ZBTB20: variants seen among roughly 807,000 people sequenced by gnomAD.
The protein encoded by ZBTB20 is zinc finger and BTB domain containing 20.
In ZBTB20, 9 loss-of-function variants were observed where a neutral mutation model predicts 56.9. The observed-to-expected ratio is 0.16, with a 90% confidence interval of 0.10 to 0.28. The LOEUF is 0.28. Among genes scored for constraint, ZBTB20 ranks in the 10% least tolerant of loss-of-function variants. The pLI, the probability that ZBTB20 is intolerant of heterozygous loss-of-function variation, is 1.00. For missense variants in ZBTB20, 655 were observed against 1,003.0 expected (o/e 0.65, Z 4.69); for synonymous variants, 417 against 420.7 (o/e 0.99, Z 0.11).
intron 5 of ZBTB20, among the ~76,000 whole-genome samples, chr3:114,735,796 A>T (rs1359218752): frequency 1.3e-5 from 2 of 152,034 alleles, no homozygotes; most frequent in Non-Finnish European, 2.9e-5. Context: ...ACTTCAGAAG[A>T]TTTTTTTCTT....
intron 5 of ZBTB20, among the ~76,000 whole-genome samples, chr3:114,698,988 C>T (rs754065475): frequency 3.9e-5 from 6 of 151,986 alleles, no homozygotes; most frequent in South Asian, 2.1e-4. Context: ...AAATATATTC[C>T]GATGTTTTAC....
In ZBTB20 at chr3:114,682,300, C is replaced by A. The variant is rs539372463; in HGVS notation, c.-295+11228G>T. Among the ~76,000 whole-genome samples, 42 of 152,226 alleles carry A rather than the reference C, an allele frequency of 2.8e-4. No homozygotes were observed. In the South Asian group the frequency reaches 7.5e-3, roughly 27 times the overall value. On this transcript the variant is annotated intron_variant, in intron 6 of 11. Coordinates refer to ENST00000675478, the MANE Select transcript of ZBTB20 (RefSeq NM_001348800.3). ...AGTTTGAAAACAAATTACTTCTAGA[C>A]GATTGTGGGGATTTTAATCGTCCTC...
intron 4 of ZBTB20, among the ~76,000 whole-genome samples, chr3:114,883,893 AT>A (rs2076491959): frequency 7.5e-6 from 1 of 132,852 alleles, no homozygotes; most frequent in South Asian, 2.7e-4. Context: ...TTCAAGGGGT[AT>A]AACTGGTAAG....
intron 7 of ZBTB20, chr3:114,453,764 C>T (rs1305946461): frequency 6.6e-6 from 1 of 151,960 alleles, no homozygotes; most frequent in East Asian, 1.9e-4. Flanking sequence ...TTTTCATGTA[C>T]ATATATGTAT....
At chr3:114,376,799 A>G (rs913791449) in intron 10 of ZBTB20, among the ~76,000 whole-genome samples, 4 of 152,254 alleles carry the variant, frequency 2.6e-5, no homozygotes, top group Non-Finnish European at 5.9e-5. Flanking sequence ...ATGGGAAGGT[A>G]AGTCACCATG....
At chr3:114,961,293 T>C (rs920451879) in intron 3 of ZBTB20, among the ~76,000 whole-genome samples, 2 of 151,566 alleles carry the variant, frequency 1.3e-5, no homozygotes, top group Non-Finnish European at 2.9e-5. Context: ...CCTCCTTCAA[T>C]ACAAAAAATA....
chr3:114,967,417 C>G (rs1305407132), intron 3 of ZBTB20, among the ~76,000 whole-genome samples: 1 of 152,122 alleles, frequency 6.6e-6, no homozygotes, highest in Non-Finnish European at 1.5e-5. Flanking sequence ...CTAAACTGAC[C>G]TTTCTGGTAT....
intron 7 of ZBTB20, among the ~76,000 whole-genome samples, chr3:114,399,238 A>G (rs1327401596): frequency 1.3e-5 from 2 of 152,164 alleles, no homozygotes; most frequent in Admixed American, 6.6e-5. Flanking sequence ...ATTTTAGCAG[A>G]AGAGAAAGTG....
chr3:114,597,108 T>C (rs2056382504), intron 6 of ZBTB20, among the ~76,000 whole-genome samples: 1 of 152,158 alleles, frequency 6.6e-6, no homozygotes, highest in South Asian at 2.1e-4. Flanking sequence ...CAGTTCTCCA[T>C]ATGCATAAAA....
At chr3:114,893,664 T>C (rs746015682) in intron 4 of ZBTB20, among the ~76,000 whole-genome samples, 5 of 151,594 alleles carry the variant, frequency 3.3e-5, no homozygotes, top group Admixed American at 6.6e-5. Context: ...TTATCACTTA[T>C]GGCAAAGACT....
intron 5 of ZBTB20, among the ~76,000 whole-genome samples, chr3:114,710,658 T>C (rs1216692866): frequency 6.6e-6 from 1 of 152,188 alleles, no homozygotes; most frequent in Non-Finnish European, 1.5e-5. Context: ...TATGCAGAGT[T>C]GAACCACTTT....
rs1358555705 is a variant in ZBTB20, at chr3:114,479,817, CAA to C, written c.-255+20533_-255+20534del. On this transcript the variant is annotated intron_variant, in intron 7 of 11. Transcript: ENST00000675478. ...TTGAAGTGCTGAAACAAATAGAAAA[CAA>C]AGTCCAGGACACCATCACAGAGCAG... 3.9e-5 allele frequency among the ~76,000 whole-genome samples: 6 copies of C among 152,262 alleles called. No individual in the cohort carries two copies. The East Asian group carries it at 1.2e-3, about 29-fold the overall frequency.
intron 1 of ZBTB20, among the ~76,000 whole-genome samples, chr3:115,075,528 G>A (rs564104222): frequency 6.6e-6 from 1 of 152,142 alleles, no homozygotes; most frequent in Non-Finnish European, 1.5e-5. Flanking sequence ...TTCATCCATA[G>A]AAGGACATTT....
At chr3:114,446,094 G>A (rs1175164806) in intron 7 of ZBTB20, among the ~76,000 whole-genome samples, 1 of 152,058 alleles carries the variant, frequency 6.6e-6, no homozygotes, top group Non-Finnish European at 1.5e-5. Context: ...TTAAGTCCAG[G>A]AGTTTTTGCC....
intron 4 of ZBTB20, among the ~76,000 whole-genome samples, chr3:114,806,033 C>G (rs1441887889): frequency 6.6e-6 from 1 of 151,870 alleles, no homozygotes; most frequent in Non-Finnish European, 1.5e-5. Context: ...CAGTTTTTTA[C>G]TGTTACGAAT....
intron 2 of ZBTB20, among the ~76,000 whole-genome samples, chr3:114,992,818 C>T (rs1389604805): frequency 2.0e-5 from 3 of 151,670 alleles, no homozygotes; most frequent in Non-Finnish European, 4.4e-5. Flanking sequence ...AAAATGAAAC[C>T]CAGATACGTG....
chr3:114,705,599 C>T lies in ZBTB20; in HGVS notation c.-342-12024G>A, dbSNP rs75495100. ...GCACAACACTTCCAAAAACAAACAC[C>T]CATTAAAAACAACAAACCCAGTATC... On this transcript the variant is annotated intron_variant, in intron 5 of 11. Transcript: ENST00000675478. 1.8e-3 allele frequency among the ~76,000 whole-genome samples: 271 copies of T among 152,234 alleles called. 7 individuals carry two copies. In the East Asian group the frequency reaches 0.048, roughly 27 times the overall value.
chr3:114,468,004 G>C (rs554433921), intron 7 of ZBTB20, among the ~76,000 whole-genome samples: 1 of 152,274 alleles, frequency 6.6e-6, no homozygotes, highest in South Asian at 2.1e-4. Context: ...TAGCCTCTAA[G>C]AGTTTTTGTG....
intron 6 of ZBTB20, among the ~76,000 whole-genome samples, chr3:114,690,719 C>A (rs559315596): frequency 6.6e-6 from 1 of 152,260 alleles, no homozygotes; most frequent in Admixed American, 6.5e-5. Context: ...CCCCCTTTTA[C>A]ATATTTCTAA....
Sources: allele counts gnomAD v4.1 joint callset (sites outside exome capture counted in the v4.1 genomes callset), GRCh38; gene constraint gnomAD v4.1.1; transcripts MANE v1.5; gene names NCBI Gene and HGNC (gene_info 2026-07-23, HGNC 2026-07-21).